Variants in RLN2 observed in about 807,000 individuals in gnomAD.
RLN2 encodes the protein relaxin 2, also known as prorelaxin H2.
A neutral mutation model predicts 7.3 loss-of-function variants in RLN2; 10 were observed. The observed-to-expected ratio is 1.36, with a 90% CI of 0.84 to 2.31. RLN2 has a LOEUF of 2.31. Among genes scored for constraint, RLN2 ranks in the 30% most tolerant of loss-of-function variants. RLN2 has a pLI of 0.00. For missense variants in RLN2, 298 were observed against 217.6 expected (o/e 1.37, Z -2.32); for synonymous variants, 103 against 82.3 (o/e 1.25, Z -1.36).
At chr9:5,318,734 G>C in the RLN2 span, among the ~76,000 whole-genome samples, 92 of 151,864 alleles carry the variant, frequency 6.1e-4, no homozygotes, top group Non-Finnish European at 1.0e-4. Context: ...TGTAGTTTTT[G>C]CTGAGGATTC....
At chr9:5,324,650 T>C in the RLN2 span, among the ~76,000 whole-genome samples, 1 of 152,012 alleles carries the variant, frequency 6.6e-6, no homozygotes, top group Non-Finnish European at 1.5e-5. Context: ...ATCCAAATAT[T>C]TCTTCTTCTA....
At chr9:5,319,380 G>A in the RLN2 span, among the ~76,000 whole-genome samples, 3 of 151,766 alleles carry the variant, frequency 2.0e-5, no homozygotes, top group African/African-American at 7.3e-5. Context: ...TCAGGTGCAG[G>A]GAAATGAAGA....
the RLN2 span, among the ~76,000 whole-genome samples, chr9:5,330,749 T>C: frequency 7.6e-5 from 9 of 118,822 alleles, no homozygotes; most frequent in Admixed American, 1.9e-4. Flanking sequence ...AGAGCAGAAC[T>C]GAAGGAGATA....
intron 1 of RLN2, among the ~76,000 whole-genome samples, chr9:5,302,970 G>A (rs1304831729): frequency 7.7e-6 from 1 of 130,682 alleles, no homozygotes. Flanking sequence ...TAATATCTAC[G>A]AGTGCTTCTC....
At chr9:5,302,064 C>G (rs1816158367) in intron 1 of RLN2, among the ~76,000 whole-genome samples, 1 of 152,134 alleles carries the variant, frequency 6.6e-6, no homozygotes, top group Non-Finnish European at 1.5e-5. Flanking sequence ...CTGAAAGAAG[C>G]TGATGGTAAT....
chr9:5,308,070 G>C (rs999479560), upstream of RLN2, among the ~76,000 whole-genome samples: 2 of 151,330 alleles, frequency 1.3e-5, no homozygotes, highest in Non-Finnish European at 2.9e-5. Context: ...ATTTCATTGA[G>C]ATTTGGAGAA....
chr9:5,305,081 G>A (rs969979947), upstream of RLN2: 1 of 155,494 alleles, frequency 6.4e-6, no homozygotes, highest in African/African-American at 2.4e-5. Context: ...TTAGTATAGT[G>A]TTGGGTATAT....
At chr9:5,314,377 C>T in the RLN2 span, among the ~76,000 whole-genome samples, 3 of 151,938 alleles carry the variant, frequency 2.0e-5, no homozygotes, top group Non-Finnish European at 4.4e-5. Flanking sequence ...TTGGCCCTGC[C>T]CCGTGAAGGC....
the RLN2 span, among the ~76,000 whole-genome samples, chr9:5,312,900 A>G: frequency 6.6e-6 from 1 of 152,022 alleles, no homozygotes; most frequent in Non-Finnish European, 1.5e-5. Context: ...CTCCAAATTA[A>G]CAATTTGATT....
At chr9:5,302,367 T>A (rs1586928332) in intron 1 of RLN2, among the ~76,000 whole-genome samples, 1 of 152,302 alleles carries the variant, frequency 6.6e-6, no homozygotes, top group Non-Finnish European at 1.5e-5. Context: ...ATGCAGTGAA[T>A]ATGATTTTAG....
the RLN2 span, among the ~76,000 whole-genome samples, chr9:5,327,565 C>T: frequency 2.6e-5 from 4 of 152,154 alleles, no homozygotes; most frequent in East Asian, 1.9e-4. Flanking sequence ...TCTCTCAGCA[C>T]GGCATTCGAG....
the RLN2 span, among the ~76,000 whole-genome samples, chr9:5,319,872 A>G: frequency 1.3e-5 from 2 of 152,050 alleles, no homozygotes; most frequent in Non-Finnish European, 2.9e-5. Context: ...CATGTAGTAG[A>G]AAATAATAGA....
intron 1 of RLN2, among the ~76,000 whole-genome samples, chr9:5,302,501 C>A (rs1018728539): frequency 6.6e-6 from 1 of 152,164 alleles, no homozygotes; most frequent in Non-Finnish European, 1.5e-5. Context: ...ACTTCCAAAA[C>A]GATTCCTACC....
At chr9:5,305,410 G>C (rs1336473415), upstream of RLN2, among the ~76,000 whole-genome samples, 13 of 149,062 alleles carry the variant, frequency 8.7e-5, no homozygotes, top group African/African-American at 2.7e-4. Flanking sequence ...CACAGAGAGA[G>C]AGAGAGAGAG....
At chr9:5,314,765 T>C in the RLN2 span, among the ~76,000 whole-genome samples, 6 of 152,086 alleles carry the variant, frequency 3.9e-5, no homozygotes, top group South Asian at 1.2e-3. Flanking sequence ...CCAGGGTCCT[T>C]GCTGCTGTCA....
chr9:5,305,402 C>CACAGAGAG (rs397829533), upstream of RLN2, among the ~76,000 whole-genome samples: 8 of 112,252 alleles, frequency 7.1e-5, no homozygotes, highest in African/African-American at 2.5e-4. Flanking sequence ...CACACACACA[C>CACAGAGAG]AGAGAGAGAG....
the RLN2 span, among the ~76,000 whole-genome samples, chr9:5,337,852 A>C: frequency 6.6e-6 from 1 of 152,048 alleles, no homozygotes; most frequent in South Asian, 2.1e-4. Flanking sequence ...TACAAATGTG[A>C]TTAATGATTT....
upstream of RLN2, chr9:5,304,816 C>T (rs1443960863): frequency 5.3e-6 from 3 of 563,668 alleles, no homozygotes; most frequent in East Asian, 3.0e-5. Flanking sequence ...CTTGGTCTCC[C>T]TCTCTGCCTT....
At position 5,304,644 on chromosome 9, in the gene RLN2, C is replaced by T; in HGVS notation, c.-64G>A. The T allele has an allele frequency of 3.3e-6, 5 of 1,529,330 alleles. No individual in the cohort carries two copies. The highest frequency in any genetic ancestry group is 4.5e-6 in the Non-Finnish European group (5 of 1,105,914). 94.7% of individuals were successfully genotyped at this position (1,529,330 alleles called of 1,614,324 possible). On this transcript the variant is annotated 5_prime_UTR_variant, in exon 1 of 2. Coordinates refer to ENST00000381627, the MANE Select transcript of RLN2 (RefSeq NM_134441.3). ...CCTTTCAGGACTGCAGCTGCTGTGGCCTACACACCTGGGCCTGTGTGCCTG... is the reference window on the plus strand; with the variant it reads ...CCTTTCAGGACTGCAGCTGCTGTGGTCTACACACCTGGGCCTGTGTGCCTG...
Sources: allele counts gnomAD v4.1 joint callset (sites outside exome capture counted in the v4.1 genomes callset), GRCh38; gene constraint gnomAD v4.1.1; transcripts MANE v1.5; gene names NCBI Gene and HGNC (gene_info 2026-07-23, HGNC 2026-07-21).